NBEA: variants seen among roughly 807,000 people sequenced by gnomAD.
NBEA encodes neurobeachin, also known as lysosomal-trafficking regulator 2.
A neutral mutation model predicts 343.4 loss-of-function variants in NBEA; 44 were observed. The observed-to-expected ratio is 0.13, with a 90% CI of 0.10 to 0.16. The LOEUF is 0.16. Ranked by LOEUF, NBEA falls within the 10% of genes least tolerant of loss-of-function variation. The pLI is 1.00. For missense variants in NBEA, 2,555 were observed against 3,631.3 expected, an observed-to-expected ratio of 0.70 and a Z score of 7.62; for synonymous variants, 1,175 against 1,238.7, an observed-to-expected ratio of 0.95 and a Z score of 1.08.
At chr13:35,010,741 AATATATATAT>A (rs869140392) in intron 1 of NBEA, among the ~76,000 whole-genome samples, 1,260 of 31,852 alleles carry the variant, frequency 0.04, 84 homozygotes, top group East Asian at 0.12. Flanking sequence ...AAAAAAAAAA[AATATATATAT>A]ATATATATAT....
chr13:35,215,002 C>G (rs2073987361), intron 33 of NBEA, among the ~76,000 whole-genome samples: 1 of 105,144 alleles, frequency 9.5e-6, no homozygotes, highest in Non-Finnish European at 2.1e-5. Flanking sequence ...AGACTCCATT[C>G]TGTCCCATGA....
At chr13:35,494,096 G>T (rs2152975540) in intron 41 of NBEA, among the ~76,000 whole-genome samples, 2 of 151,802 alleles carry the variant, frequency 1.3e-5, no homozygotes, top group East Asian at 3.9e-4. Context: ...TAATGAATAT[G>T]AATATAAGGA....
chr13:35,464,133 C>T (rs1418725408), intron 40 of NBEA, among the ~76,000 whole-genome samples: 2 of 151,632 alleles, frequency 1.3e-5, no homozygotes. Context: ...AAAAAAAATC[C>T]GTATATTTAA....
At chr13:35,324,804 A>G (rs747881957) in intron 36 of NBEA, among the ~76,000 whole-genome samples, 2 of 152,154 alleles carry the variant, frequency 1.3e-5, no homozygotes, top group Non-Finnish European at 2.9e-5. Flanking sequence ...TCATTGGGCA[A>G]TAATGATTGC....
At chr13:35,296,191 G>A (rs2036116898) in intron 35 of NBEA, among the ~76,000 whole-genome samples, 1 of 151,884 alleles carries the variant, frequency 6.6e-6, no homozygotes, top group Non-Finnish European at 1.5e-5. Context: ...GGACCAGCCT[G>A]GCCAACATAG....
chr13:34,955,725 A>G (rs184787598), intron 1 of NBEA, among the ~76,000 whole-genome samples: 229 of 152,260 alleles, frequency 1.5e-3, no homozygotes, highest in African/African-American at 5.4e-3. Flanking sequence ...CTAGTAGTAC[A>G]GTTGACCATT....
intron 38 of NBEA, among the ~76,000 whole-genome samples, chr13:35,377,697 CCACTGTTTTACCATA>C (rs1566048895): frequency 6.6e-6 from 1 of 152,110 alleles, no homozygotes; most frequent in African/African-American, 2.4e-5. Context: ...CTTTCTCAGC[CCACTGTTTTACCATA>C]CCTTAACATC....
chr13:35,610,777 A>C (rs76927053), intron 48 of NBEA, among the ~76,000 whole-genome samples: 10,458 of 152,192 alleles, frequency 0.069, 406 homozygotes, highest in African/African-American at 0.092. Context: ...GGCTGAGAAA[A>C]AATATTTCAA....
rs1377857707 is a variant in NBEA at position 35,187,365 on chromosome 13, T to C, written c.4927+3294T>C. ...TATTGCCATAGTTTCTTCATTGGAC[T>C]CTTAGTTTCTAGGCTTTCTCTCGGT... On this transcript the variant is annotated intron_variant, in intron 30 of 58. Coordinates refer to ENST00000379939, the MANE Select transcript of NBEA (RefSeq NM_001385012.1). 2.0e-5 allele frequency among the ~76,000 whole-genome samples: 3 copies of C among 151,892 alleles called. 1 individual carries two copies. The highest frequency in any genetic ancestry group is 2.0e-4 in the Admixed American group (3 of 15,230).
chr13:35,475,345 G>A (rs754220535), intron 41 of NBEA: 1 of 1,613,964 alleles, frequency 6.2e-7, no homozygotes, highest in Non-Finnish European at 8.5e-7. Context: ...GGGCTGGCCC[G>A]GCAGTTCAAG....
chr13:35,399,205 T>C (rs1400668277), intron 38 of NBEA, among the ~76,000 whole-genome samples: 2 of 152,292 alleles, frequency 1.3e-5, no homozygotes, highest in East Asian at 3.9e-4. Flanking sequence ...TTGTGACTGT[T>C]GTGATCTATC....
At chr13:35,133,188 T>A (rs2067521844) in intron 17 of NBEA, among the ~76,000 whole-genome samples, 1 of 152,018 alleles carries the variant, frequency 6.6e-6, no homozygotes, top group South Asian at 2.1e-4. Flanking sequence ...TCTGTTAGGA[T>A]CATGAAGAAT....
At chr13:35,235,418 G>A (rs1476052303) in intron 34 of NBEA, among the ~76,000 whole-genome samples, 1 of 151,918 alleles carries the variant, frequency 6.6e-6, no homozygotes, top group African/African-American at 2.4e-5. Flanking sequence ...TGATTTGATA[G>A]GTTTTACAGA....
chr13:35,263,506 T>C (rs149380322), intron 34 of NBEA, among the ~76,000 whole-genome samples: 1 of 152,292 alleles, frequency 6.6e-6, no homozygotes, highest in East Asian at 1.9e-4. Context: ...CATGGAGCAT[T>C]CTCCAGAATA....
At chr13:35,480,867 G>A (rs1225971672) in intron 41 of NBEA, among the ~76,000 whole-genome samples, 1 of 151,978 alleles carries the variant, frequency 6.6e-6, no homozygotes, top group African/African-American at 2.4e-5. Context: ...CTTTCTTCCT[G>A]TGTGATTCCT....
At chr13:35,476,585 T>G in intron 41 of NBEA, 1 of 552,564 alleles carries the variant, frequency 1.8e-6, no homozygotes. Context: ...CCGTAATCAT[T>G]GTGTGTGCAG....
At chr13:35,255,501 A>G (rs898013822) in intron 34 of NBEA, among the ~76,000 whole-genome samples, 2 of 152,240 alleles carry the variant, frequency 1.3e-5, no homozygotes, top group African/African-American at 4.8e-5. Flanking sequence ...ACAACCAGGC[A>G]CACTGACTGC....
chr13:35,472,330 G>C, intron 40 of NBEA, 70 bp from the exon 41 acceptor site: 2 of 1,538,922 alleles, frequency 1.3e-6, no homozygotes, highest in Non-Finnish European at 1.7e-6. Context: ...AAAACCTCTG[G>C]TACCTTTCTG....
At chr13:35,208,392 A>G (rs1162160165) in intron 31 of NBEA, among the ~76,000 whole-genome samples, 2 of 152,118 alleles carry the variant, frequency 1.3e-5, no homozygotes, top group Non-Finnish European at 2.9e-5. Context: ...AAATCTCCTA[A>G]CTTTAGCACA....
Sources: allele counts gnomAD v4.1 joint callset (sites outside exome capture counted in the v4.1 genomes callset), GRCh38; gene constraint gnomAD v4.1.1; transcripts MANE v1.5; gene names NCBI Gene and HGNC (gene_info 2026-07-23, HGNC 2026-07-21).